SPX: variants seen among roughly 807,000 people sequenced by gnomAD.
SPX encodes spexin hormone.
A neutral mutation model predicts 19.2 loss-of-function variants in SPX; 22 were observed. The observed-to-expected ratio is 1.15, with a 90% CI of 0.82 to 1.64. The LOEUF (loss-of-function observed/expected upper bound fraction) is 1.64, where lower values mean the gene tolerates loss of function less well. Among genes scored for constraint, SPX ranks in the 40% most tolerant of loss-of-function variants. SPX has a pLI of 0.00. For missense variants in SPX, 143 were observed against 137.7 expected (o/e 1.04, Z -0.19); for synonymous variants, 50 against 53.3 (o/e 0.94, Z 0.27).
At chr12:21,527,623 C>G (rs1943826700) in intron 3 of SPX, 104 bp from the exon 4 acceptor site, 2 of 1,185,204 alleles carry the variant, frequency 1.7e-6, no homozygotes, top group Admixed American at 2.1e-5. Flanking sequence ...GCAACCTGCC[C>G]CCTCCCCACG....
chr12:21,529,568 A>G (rs1057014844), intron 5 of SPX, among the ~76,000 whole-genome samples: 1 of 152,212 alleles, frequency 6.6e-6, no homozygotes, highest in African/African-American at 2.4e-5. Flanking sequence ...AATGGTTACT[A>G]TAGCAGAATG....
rs1248187579 is a variant in SPX, at chr12:21,527,751, A to G, written c.170A>G (p.Gln57Arg). 1 of 1,571,256 alleles carries G rather than the reference A, an allele frequency of 6.4e-7. No individual in the cohort carries two copies. The highest frequency in any genetic ancestry group is 1.9e-5 in the Admixed American group (1 of 52,566). Residue 57 changes from glutamine (Q) to arginine (R), a missense_variant, in exon 4 of 6, where the codon CAG (glutamine) becomes CGG (arginine). By Grantham distance (43) the Gln-to-Arg change is conservative (BLOSUM62 1). Coordinates refer to ENST00000256969, the MANE Select transcript of SPX (RefSeq NM_030572.4). Reference sequence around the variant, plus strand: ...GAGGGTCGCCGCTTCATCTCCGACCAGAGCCGGAGAAAGGACCTCTCCGAC... The same window carrying G: ...GAGGGTCGCCGCTTCATCTCCGACCGGAGCCGGAGAAAGGACCTCTCCGAC... ...GAQGRRFISDQSRRKDLSDRP... is the reference protein window; with the variant it reads ...GAQGRRFISDRSRRKDLSDRP...
intron 5 of SPX, 95 bp from the exon 6 acceptor site, chr12:21,531,042 T>C: frequency 1.3e-6 from 1 of 790,528 alleles, no homozygotes. Flanking sequence ...CTTAGAAGGC[T>C]AAATGTTTAT....
chr12:21,528,904 A>C, intron 4 of SPX, 97 bp from the exon 5 acceptor site: 1 of 1,103,150 alleles, frequency 9.1e-7, no homozygotes, highest in Non-Finnish European at 1.4e-6. Context: ...AATCTATTTC[A>C]TAGAGGTTTT....
At chr12:21,530,887 C>T (rs1943858906) in intron 5 of SPX, among the ~76,000 whole-genome samples, 1 of 152,118 alleles carries the variant, frequency 6.6e-6, no homozygotes, top group Admixed American at 6.5e-5. Context: ...ACATACCATA[C>T]TGTAGTTTCA....
At chr12:21,527,430 G>A (rs768989509) in intron 3 of SPX, 15 of 597,386 alleles carry the variant, frequency 2.5e-5, no homozygotes, top group Non-Finnish European at 3.8e-5. Context: ...TGCTTCTCTT[G>A]GTCCAAATGG....
intron 5 of SPX, among the ~76,000 whole-genome samples, chr12:21,529,520 C>T (rs1377809641): frequency 2.6e-5 from 4 of 152,010 alleles, no homozygotes; most frequent in Non-Finnish European, 1.5e-5. Flanking sequence ...CTACTGATCC[C>T]GCTCCTCTTG....
In SPX at chr12:21,529,085, G is replaced by T. The variant is rs377486662; in HGVS notation, c.292+1G>T. On this transcript the variant is annotated splice_donor_variant, in intron 5 of 5. Coordinates refer to ENST00000256969, the MANE Select transcript of SPX (RefSeq NM_030572.4). LOFTEE classifies it high-confidence loss of function. ...GCGTCCCTTCAGAAATCACCAGAAG[G>T]TACTAGCATAGTGGCCTCTTTCACC... 6.2e-7 allele frequency: 1 copy of T among 1,612,752 alleles called. No individual in the cohort carries two copies. Among genetic ancestry groups the T allele is most frequent in the East Asian group, 2.2e-5 (1 of 44,864 alleles).
chr12:21,532,147 C>T lies in SPX; in HGVS notation c.*952C>T, dbSNP rs1230258374. On this transcript the variant is annotated 3_prime_UTR_variant, in exon 6 of 6. Coordinates refer to ENST00000256969, the MANE Select transcript of SPX (RefSeq NM_030572.4). The stretch of plus-strand genomic sequence containing the variant: ...AGTACCATCTGAATACACACACATG[C>T]ACATATACCCACACACGCATACACA... 2 of 152,182 alleles carry T rather than the reference C, an allele frequency of 1.3e-5. No homozygotes were observed. The highest frequency in any genetic ancestry group is 3.8e-4 in the East Asian group (2 of 5,204). The allele number at this position is 152,182 out of a possible 1,614,324, so 9.4% of individuals were successfully genotyped here.
rs1011935862 is a variant in SPX, at chr12:21,532,262, A to G, written c.*1067A>G. On this transcript the variant is annotated 3_prime_UTR_variant, in exon 6 of 6. Coordinates refer to ENST00000256969, the MANE Select transcript of SPX (RefSeq NM_030572.4). Reference sequence around the variant, plus strand: ...TATTTTTTACCTAATCAGAGTTGTTATTGACAAATGTCATAAGTGGAAAGT... The same window carrying G: ...TATTTTTTACCTAATCAGAGTTGTTGTTGACAAATGTCATAAGTGGAAAGT... The G allele has an allele frequency of 6.6e-6, 1 of 152,330 alleles. No homozygotes were observed. The highest frequency in any genetic ancestry group is 2.4e-5 in the African/African-American group (1 of 41,568). The allele number at this position is 152,330 out of a possible 1,614,324, so 9.4% of individuals were successfully genotyped here.
intron 2 of SPX, 58 bp downstream of exon 2, chr12:21,527,024 T>C: frequency 6.3e-7 from 1 of 1,584,390 alleles, no homozygotes; most frequent in South Asian, 1.1e-5. Context: ...TCCACTCTGC[T>C]CTTTCTTTCT....
intron 5 of SPX, among the ~76,000 whole-genome samples, chr12:21,529,714 T>C (rs1487024001): frequency 6.6e-6 from 1 of 152,204 alleles, no homozygotes; most frequent in East Asian, 1.9e-4. Flanking sequence ...TACAAGAAAG[T>C]AAACTGCAAA....
chr12:21,529,156 TG>T, intron 5 of SPX, 72 bp downstream of exon 5: 5 of 1,384,068 alleles, frequency 3.6e-6, no homozygotes, highest in Non-Finnish European at 5.1e-6. Context: ...CTGTGTTGAG[TG>T]CAACACCCCT....
At chr12:21,528,905 T>C in intron 4 of SPX, 96 bp from the exon 5 acceptor site, 1 of 1,108,384 alleles carries the variant, frequency 9.0e-7, no homozygotes, top group South Asian at 1.3e-5. Flanking sequence ...ATCTATTTCA[T>C]AGAGGTTTTT....
chr12:21,527,458 G>A, intron 3 of SPX: 4 of 598,284 alleles, frequency 6.7e-6, no homozygotes, highest in Non-Finnish European at 1.2e-5. Context: ...GGTTGCCTGG[G>A]AAATATCTCA....
chr12:21,531,095 G>T lies in SPX; in HGVS notation c.293-42G>T, dbSNP rs3765093. 4 of 1,180,012 alleles carry T rather than the reference G, an allele frequency of 3.4e-6. No homozygotes were observed. The African/African-American group carries it at 6.3e-5, about 18-fold the overall frequency. The allele number at this position is 1,180,012 out of a possible 1,614,324, so 73.1% of individuals were successfully genotyped here. A position where few individuals can be genotyped will look rare whatever the true frequency, so the allele number is the denominator to read the frequency against. ...GTCTTACCTTTTCCTCTATTAAAAC[G>T]CAGAGTGTATATTTATTTTAAAGAA... is the stretch of plus-strand genomic sequence containing the variant. On this transcript the variant is annotated intron_variant, in intron 5 of 5. Coordinates refer to ENST00000256969, the MANE Select transcript of SPX (RefSeq NM_030572.4).
chr12:21,529,163 C>CAGAAT, intron 5 of SPX, 79 bp downstream of exon 5: 1 of 1,367,478 alleles, frequency 7.3e-7, no homozygotes, highest in Non-Finnish European at 1.0e-6. Flanking sequence ...GAGTGCAACA[C>CAGAAT]CCCTCCCCCA....
chr12:21,527,227 T>C (rs753671250), intron 3 of SPX, 35 bp downstream of exon 3: 1 of 1,569,312 alleles, frequency 6.4e-7, no homozygotes, highest in Admixed American at 1.7e-5. Flanking sequence ...CCTACAATAA[T>C]GGAAGACCCC....
At chr12:21,529,850 C>A (rs977674883) in intron 5 of SPX, among the ~76,000 whole-genome samples, 2 of 152,162 alleles carry the variant, frequency 1.3e-5, no homozygotes, top group African/African-American at 4.8e-5. Context: ...CTTTTTAAAA[C>A]CCAAGACATG....
Sources: allele counts gnomAD v4.1 joint callset (sites outside exome capture counted in the v4.1 genomes callset), GRCh38; gene constraint gnomAD v4.1.1; transcripts MANE v1.5; gene names NCBI Gene and HGNC (gene_info 2026-07-23, HGNC 2026-07-21).